CPNE8: variants seen among roughly 807,000 people sequenced by gnomAD.
CPNE8 encodes the protein copine-8.
A neutral mutation model predicts 81.5 loss-of-function variants in CPNE8; 45 were observed. The ratio of observed to expected loss-of-function variants is 0.55; its 90% confidence interval spans 0.44 to 0.71. The LOEUF (loss-of-function observed/expected upper bound fraction) is 0.71, where lower values mean the gene tolerates loss of function less well. Ranked by LOEUF, CPNE8 falls within the 30% of genes least tolerant of loss-of-function variation. The probability of loss-of-function intolerance (pLI) is 0.00; values close to 1 mark genes in which losing one functional copy is unlikely to be tolerated. For synonymous variants in CPNE8, 252 were observed against 226.3 expected (o/e 1.11, Z -1.02); for missense variants, 594 against 672.1 (o/e 0.88, Z 1.28).
At chr12:38,781,122 G>T (rs144983759) in intron 6 of CPNE8, among the ~76,000 whole-genome samples, 82 of 152,012 alleles carry the variant, frequency 5.4e-4, no homozygotes, top group African/African-American at 1.9e-3. Flanking sequence ...GAGTAAATAT[G>T]TTTAAAAACT....
chr12:38,805,805 T>G (rs1261063654), intron 6 of CPNE8, among the ~76,000 whole-genome samples: 2 of 148,832 alleles, frequency 1.3e-5, no homozygotes, highest in Non-Finnish European at 3.0e-5. Flanking sequence ...CAAAAATCAA[T>G]GAATCCAGGA....
chr12:38,865,211 G>C (rs1943897427), intron 3 of CPNE8, among the ~76,000 whole-genome samples: 1 of 152,164 alleles, frequency 6.6e-6, no homozygotes, highest in Admixed American at 6.6e-5. Flanking sequence ...CAGATGGAAA[G>C]TTATGGAAAA....
chr12:38,705,217 G>C (rs929270116), intron 13 of CPNE8, among the ~76,000 whole-genome samples: 4 of 151,932 alleles, frequency 2.6e-5, no homozygotes, highest in African/African-American at 9.7e-5. Context: ...TTCCAATTTT[G>C]GAACTATTGG....
At position 38,713,990 on chromosome 12, in the gene CPNE8, G is replaced by A. The variant is rs533806827; in HGVS notation, c.914+9782C>T. Among the ~76,000 whole-genome samples, 168 of 152,168 alleles carry A rather than the reference G, an allele frequency of 1.1e-3. 7 individuals carry two copies. In the South Asian group the frequency reaches 0.034, roughly 31 times the overall value. ...TGTGATCTGTTTTCCCCCTTCATCT[G>A]CCAATCAAAGAGATGTGGAAAACTT... is the stretch of plus-strand genomic sequence containing the variant. On this transcript the variant is annotated intron_variant, in intron 13 of 19. Coordinates refer to ENST00000331366, the MANE Select transcript of CPNE8 (RefSeq NM_153634.3).
At chr12:38,751,145 C>T (rs964604960) in intron 10 of CPNE8, among the ~76,000 whole-genome samples, 5 of 152,134 alleles carry the variant, frequency 3.3e-5, no homozygotes, top group Non-Finnish European at 5.9e-5. Flanking sequence ...TGTGAGGCTT[C>T]CCCAGCCACT....
At chr12:38,762,596 A>T (rs1160615189) in intron 8 of CPNE8, among the ~76,000 whole-genome samples, 1 of 152,218 alleles carries the variant, frequency 6.6e-6, no homozygotes, top group Non-Finnish European at 1.5e-5. Flanking sequence ...CTGGTTTTAC[A>T]GTGGGTTTAA....
chr12:38,897,014 G>A (rs1433271324), intron 1 of CPNE8, among the ~76,000 whole-genome samples: 1 of 151,906 alleles, frequency 6.6e-6, no homozygotes. Context: ...TTGAAATTTT[G>A]GTTTTTAAAT....
At position 38,715,851 on chromosome 12, in the gene CPNE8, C is replaced by A. The variant is rs191557344; in HGVS notation, c.914+7921G>T. ...CTAAATTGGAAGAGAGGATGTCAACCTGTTGCTGTTTGCCAGTGATATGAC... is the reference window on the plus strand; with the variant it reads ...CTAAATTGGAAGAGAGGATGTCAACATGTTGCTGTTTGCCAGTGATATGAC... On this transcript the variant is annotated intron_variant, in intron 13 of 19. Transcript: ENST00000331366. 1.9e-3 allele frequency among the ~76,000 whole-genome samples: 293 copies of A among 152,084 alleles called. 1 individual carries two copies. The highest frequency in any genetic ancestry group is 6.8e-3 in the Middle Eastern group (2 of 294).
At chr12:38,741,761 G>A (rs933748644) in intron 10 of CPNE8, among the ~76,000 whole-genome samples, 4 of 152,002 alleles carry the variant, frequency 2.6e-5, no homozygotes, top group Non-Finnish European at 5.9e-5. Context: ...GAAAATTTTT[G>A]CAATCTTCTC....
chr12:38,756,521 T>C (rs897470153), intron 10 of CPNE8, among the ~76,000 whole-genome samples: 1 of 152,076 alleles, frequency 6.6e-6, no homozygotes, highest in Non-Finnish European at 1.5e-5. Context: ...GCCCAGCTAA[T>C]GTTTTTATTA....
intron 1 of CPNE8, among the ~76,000 whole-genome samples, chr12:38,886,324 T>C (rs900278624): frequency 1.3e-5 from 2 of 152,144 alleles, no homozygotes; most frequent in South Asian, 2.1e-4. Flanking sequence ...ATCCTCCTCA[T>C]AGAGTTGTTT....
chr12:38,905,756 A>T (rs1428015813), upstream of CPNE8: 2 of 1,393,014 alleles, frequency 1.4e-6, no homozygotes, highest in East Asian at 2.6e-5. Flanking sequence ...CTGCCAGGCA[A>T]GTGGCGCGCG....
intron 19 of CPNE8, among the ~76,000 whole-genome samples, chr12:38,665,823 T>C (rs1939047594): frequency 1.3e-5 from 2 of 152,276 alleles, no homozygotes. Flanking sequence ...TTAAGTCTCA[T>C]TGCCTCAATA....
chr12:38,856,450 A>T (rs1413509685), intron 3 of CPNE8, among the ~76,000 whole-genome samples: 1 of 152,148 alleles, frequency 6.6e-6, no homozygotes, highest in Admixed American at 6.5e-5. Flanking sequence ...GGATGTAAAA[A>T]TCCTCAACAA....
intron 4 of CPNE8, among the ~76,000 whole-genome samples, chr12:38,845,169 C>T (rs1172904070): frequency 6.6e-6 from 1 of 152,050 alleles, no homozygotes; most frequent in African/African-American, 2.4e-5. Context: ...CTAGTAATTG[C>T]CACCCCTTAC....
rs1448657468 is a variant in CPNE8, at chr12:38,652,845, T to C, written c.*1037A>G. Reference sequence around the variant, plus strand: ...CAAATGTGTTGTGCACTAAGTCACATAGTTGTATATATTTAACTGGGAATT... The same window carrying C: ...CAAATGTGTTGTGCACTAAGTCACACAGTTGTATATATTTAACTGGGAATT... On this transcript the variant is annotated 3_prime_UTR_variant, in exon 20 of 20. Coordinates refer to ENST00000331366, the MANE Select transcript of CPNE8 (RefSeq NM_153634.3). 2 of 152,746 alleles carry C rather than the reference T, an allele frequency of 1.3e-5. No individual in the cohort carries two copies. Among genetic ancestry groups the C allele is most frequent in the African/African-American group, 2.4e-5 (1 of 41,570 alleles). The allele number at this position is 152,746 out of a possible 1,614,324, so 9.5% of individuals were successfully genotyped here.
intron 19 of CPNE8, among the ~76,000 whole-genome samples, chr12:38,666,858 G>A (rs542833663): frequency 2.0e-5 from 3 of 152,280 alleles, no homozygotes; most frequent in Non-Finnish European, 4.4e-5. Flanking sequence ...CTGTGGACAA[G>A]AGGAATTGAG....
chr12:38,679,481 T>C (rs934674579), intron 16 of CPNE8: 14 of 489,368 alleles, frequency 2.9e-5, no homozygotes, highest in Non-Finnish European at 3.4e-5. Flanking sequence ...ATTTTATATC[T>C]CTTCACTTTG....
At chr12:38,880,067 T>C (rs551411874) in intron 1 of CPNE8, among the ~76,000 whole-genome samples, 1 of 152,286 alleles carries the variant, frequency 6.6e-6, no homozygotes, top group East Asian at 1.9e-4. Flanking sequence ...GGGACAAAAA[T>C]ACAGTTTATA....
Sources: allele counts gnomAD v4.1 joint callset (sites outside exome capture counted in the v4.1 genomes callset), GRCh38; gene constraint gnomAD v4.1.1; transcripts MANE v1.5; gene names NCBI Gene and HGNC (gene_info 2026-07-23, HGNC 2026-07-21).